Variants in MALRD1 observed in about 807,000 individuals in gnomAD.
MALRD1 encodes the protein MAM and LDL-receptor class A domain-containing protein 1.
In MALRD1, 247 loss-of-function variants were observed where a neutral mutation model predicts 242.1. That is an observed-to-expected ratio of 1.02 (90% CI 0.92 to 1.13). The LOEUF (loss-of-function observed/expected upper bound fraction) is 1.13, where lower values mean the gene tolerates loss of function less well. Ranked by LOEUF, MALRD1 falls within the 50% of genes most tolerant of loss-of-function variation. The probability of loss-of-function intolerance (pLI) is 0.00; values close to 1 mark genes in which losing one functional copy is unlikely to be tolerated. For missense variants in MALRD1, 2,989 were observed against 2,533.1 expected, an observed-to-expected ratio of 1.18 and a Z score of -3.86; for synonymous variants, 995 against 866.6, an observed-to-expected ratio of 1.15 and a Z score of -2.60.
intron 5 of MALRD1, among the ~76,000 whole-genome samples, chr10:19,117,088 C>G (rs1836895547): frequency 7.1e-6 from 1 of 140,708 alleles, no homozygotes; most frequent in South Asian, 2.3e-4. Flanking sequence ...GAGTGAGACT[C>G]TGTCTCAAAA....
At chr10:19,705,699 C>T (rs1833831095) in intron 38 of MALRD1, among the ~76,000 whole-genome samples, 1 of 151,478 alleles carries the variant, frequency 6.6e-6, no homozygotes, top group African/African-American at 2.4e-5. Context: ...ATTCCTCCTC[C>T]TCCTCCTCCT....
At chr10:19,430,824 C>T (rs1377188999) in intron 28 of MALRD1, among the ~76,000 whole-genome samples, 2 of 152,060 alleles carry the variant, frequency 1.3e-5, no homozygotes, top group African/African-American at 2.4e-5. Context: ...ATGCCTTGTT[C>T]GAATTTGTGT....
At position 19,082,294 on chromosome 10, in the gene MALRD1, T is replaced by A. The variant is rs573124127; in HGVS notation, c.341-5546T>A. 2.0e-3 allele frequency among the ~76,000 whole-genome samples: 301 copies of A among 151,972 alleles called. 3 individuals carry two copies. Among genetic ancestry groups the A allele is most frequent in the Middle Eastern group, 6.8e-3 (2 of 294 alleles). On this transcript the variant is annotated intron_variant, in intron 2 of 39. Coordinates refer to ENST00000454679, the MANE Select transcript of MALRD1 (RefSeq NM_001142308.3). ...TAATAATATACAAAAAATTTGATCT[T>A]ATATAGTTCTGTTCACTTCTTCTTT... is the stretch of plus-strand genomic sequence containing the variant.
At chr10:19,223,955 G>A (rs1404880791) in intron 18 of MALRD1, among the ~76,000 whole-genome samples, 1 of 152,092 alleles carries the variant, frequency 6.6e-6, no homozygotes, top group Non-Finnish European at 1.5e-5. Flanking sequence ...TCATTGATGG[G>A]CATTTGGGTT....
intron 38 of MALRD1, chr10:19,710,358 A>G (rs1332245279): frequency 1.3e-5 from 2 of 152,220 alleles, no homozygotes; most frequent in Non-Finnish European, 2.9e-5. Flanking sequence ...ATATTTATTG[A>G]TGAAACATGA....
At chr10:19,589,919 T>C (rs1016389166) in intron 33 of MALRD1, among the ~76,000 whole-genome samples, 5 of 152,136 alleles carry the variant, frequency 3.3e-5, no homozygotes, top group African/African-American at 1.2e-4. Context: ...ACAGTAATTG[T>C]CTCGCATAAT....
At chr10:19,077,308 A>G (rs929141629) in intron 2 of MALRD1, among the ~76,000 whole-genome samples, 4 of 151,958 alleles carry the variant, frequency 2.6e-5, no homozygotes, top group Admixed American at 6.6e-5. Context: ...CCTGCTAAAC[A>G]TAAAGCCTGG....
chr10:19,465,734 A>G (rs1178758567), intron 29 of MALRD1, among the ~76,000 whole-genome samples: 1 of 152,114 alleles, frequency 6.6e-6, no homozygotes, highest in Non-Finnish European at 1.5e-5. Flanking sequence ...GGATTTAGCC[A>G]TGCTGCCCAT....
intron 17 of MALRD1, among the ~76,000 whole-genome samples, chr10:19,208,232 C>A (rs1836873419): frequency 6.6e-6 from 1 of 152,020 alleles, no homozygotes; most frequent in African/African-American, 2.4e-5. Context: ...CTCAAAGGAG[C>A]TACAATCCAG....
intron 2 of MALRD1, among the ~76,000 whole-genome samples, chr10:19,069,452 G>T (rs1191197436): frequency 6.6e-6 from 1 of 151,810 alleles, no homozygotes; most frequent in Non-Finnish European, 1.5e-5. Context: ...TTTAAAAGAA[G>T]ATATTCTTTT....
intron 18 of MALRD1, among the ~76,000 whole-genome samples, chr10:19,222,917 G>A (rs1048242046): frequency 7.9e-5 from 12 of 152,242 alleles, no homozygotes; most frequent in African/African-American, 2.9e-4. Context: ...TCAGATGATT[G>A]CTGTATCTTG....
Position 19,146,363 on chromosome 10 carries a change from T to TA in MALRD1, c.1558+28dup, listed in dbSNP as rs148324352. 0.1 allele frequency: 119,347 copies of TA among 1,197,964 alleles called. 5,239 individuals are homozygous for TA. The highest frequency in any genetic ancestry group is 0.11 in the Non-Finnish European group (105,540 of 960,244). The allele number at this position is 1,197,964 out of a possible 1,614,324, so 74.2% of individuals were successfully genotyped here. A position where few individuals can be genotyped will look rare whatever the true frequency, so the allele number is the denominator to read the frequency against. ...AATCATGGTAGGACATTTTCCTCTT[T>TA]AAAAAAAAATAGTTTTCTTTCTTGC... On this transcript the variant is annotated intron_variant, in intron 11 of 39. Transcript: ENST00000454679.
rs1210550306 is a variant in MALRD1, at chr10:19,209,523, TC to T, written c.2835del (p.Tyr946IlefsTer98). 2 of 1,550,754 alleles carry T rather than the reference TC, an allele frequency of 1.3e-6. No homozygotes were observed. The highest frequency in any genetic ancestry group is 1.7e-6 in the Non-Finnish European group (2 of 1,147,010). On this transcript the variant is annotated frameshift_variant, in exon 18 of 40. Coordinates refer to ENST00000454679, the MANE Select transcript of MALRD1 (RefSeq NM_001142308.3). LOFTEE classifies it high-confidence loss of function. ...ATDTKGCTFR[F>X]YYHMFGKRIY... ...GATACAAAAGGCTGCACCTTCCGCT[TC>T]TATTACCACATGTTTGGAAAGCGCA...
intron 19 of MALRD1, among the ~76,000 whole-genome samples, chr10:19,260,289 A>G (rs1157998975): frequency 2.0e-5 from 3 of 152,156 alleles, no homozygotes; most frequent in Non-Finnish European, 4.4e-5. Flanking sequence ...AGACAGATAG[A>G]TAGACAGACA....
At chr10:19,257,618 C>G in intron 18 of MALRD1, 66 bp from the exon 19 acceptor site, 1 of 1,210,028 alleles carries the variant, frequency 8.3e-7, no homozygotes, top group Admixed American at 2.2e-5. Flanking sequence ...TCATCCATTC[C>G]ATAACTTAAT....
intron 28 of MALRD1, among the ~76,000 whole-genome samples, chr10:19,393,587 A>T (rs533826104): frequency 6.6e-6 from 1 of 150,388 alleles, no homozygotes; most frequent in Non-Finnish European, 1.5e-5. Flanking sequence ...CTGGGACTAC[A>T]GGCGCCGGCC....
At chr10:19,233,391 A>T (rs758476431) in intron 18 of MALRD1, among the ~76,000 whole-genome samples, 1 of 152,074 alleles carries the variant, frequency 6.6e-6, no homozygotes, top group Non-Finnish European at 1.5e-5. Context: ...CATCCCAGCT[A>T]CTCGGGAGGC....
chr10:19,480,194 A>C (rs952812474), intron 29 of MALRD1, among the ~76,000 whole-genome samples: 2 of 152,182 alleles, frequency 1.3e-5, no homozygotes, highest in Admixed American at 1.3e-4. Context: ...ATAAACTAGG[A>C]GGCAAAGAAA....
At chr10:19,721,341 A>G (rs558141164) in intron 38 of MALRD1, among the ~76,000 whole-genome samples, 1 of 152,314 alleles carries the variant, frequency 6.6e-6, no homozygotes, top group East Asian at 1.9e-4. Flanking sequence ...TGAGAGAGGT[A>G]GAAGTAGGGA....
Sources: gnomAD v4.1 joint callset for allele counts (sites outside exome capture counted in the v4.1 genomes callset) on GRCh38, gnomAD v4.1.1 for gene constraint, MANE v1.5 for transcripts, NCBI Gene and HGNC (gene_info 2026-07-23, HGNC 2026-07-21) for gene names.